SDR42E1: variants seen among roughly 807,000 people sequenced by gnomAD.
SDR42E1 encodes short-chain dehydrogenase/reductase family 42E member 1.
SDR42E1 carries 5 observed loss-of-function variants against 2.6 expected under a neutral mutation model. The ratio of observed to expected loss-of-function variants is 1.94; its 90% CI spans 1.01 to 4.08. The LOEUF (loss-of-function observed/expected upper bound fraction) is 4.08, where lower values mean the gene tolerates loss of function less well. Ranked by LOEUF, SDR42E1 falls within the 30% of genes most tolerant of loss-of-function variation. The pLI, the probability that SDR42E1 is intolerant of heterozygous loss-of-function variation, is 0.00. For synonymous variants in SDR42E1, 231 were observed against 188.3 expected, an observed-to-expected ratio of 1.23 and a Z score of -1.86; for missense variants, 596 against 478.6, an observed-to-expected ratio of 1.25 and a Z score of -2.29.
chr16:82,001,081 G>T (rs1039096675), intron 1 of SDR42E1, among the ~76,000 whole-genome samples, 197 bp from the exon 2 acceptor site: 3 of 152,172 alleles, frequency 2.0e-5, no homozygotes, highest in South Asian at 2.1e-4. Context: ...GTAACATGGG[G>T]ACAGTAATAC....
rs1376649724 is a variant in SDR42E1 at position 81,997,939 on chromosome 16, C to G, written c.*1172G>C. The G allele has an allele frequency of 2.0e-5, 3 of 152,236 alleles. No individual in the cohort carries two copies. The highest frequency in any genetic ancestry group is 4.4e-5 in the Non-Finnish European group (3 of 68,040). The allele number at this position is 152,236 out of a possible 1,614,324, so 9.4% of individuals were successfully genotyped here. On this transcript the variant is annotated 3_prime_UTR_variant, in exon 3 of 3. Coordinates refer to ENST00000328945, the MANE Select transcript of SDR42E1 (RefSeq NM_145168.3). ...TTTACAGATACTCTCAAGACTAACT[C>G]TAGCAGAACTTTCCACAGTAATGTA... is the stretch of plus-strand genomic sequence containing the variant.
Position 82,008,029 on chromosome 16 carries a change from G to A in SDR42E1, c.-27+3358C>T, listed in dbSNP as rs535983332. Among the ~76,000 whole-genome samples, 6 of 152,326 alleles carry A rather than the reference G, an allele frequency of 3.9e-5. No homozygotes were observed. The East Asian group carries it at 1.2e-3, about 29-fold the overall frequency. On this transcript the variant is annotated intron_variant, in intron 1 of 2. Transcript: ENST00000328945. ...ACCCGGTAGGAGGTAATTGAATCAT[G>A]GGGGCGGGTCTTTCCTGTGCTATTC...
chr16:82,010,157 T>A (rs1913079258), intron 1 of SDR42E1, among the ~76,000 whole-genome samples: 1 of 152,240 alleles, frequency 6.6e-6, no homozygotes, highest in Non-Finnish European at 1.5e-5. Flanking sequence ...TGGGTATGTT[T>A]TTATTAGCAG....
rs1767635918 is a variant in SDR42E1, at chr16:81,992,180, A to G, written c.*6931T>C. 1 of 152,340 alleles carries G rather than the reference A, an allele frequency of 6.6e-6. No individual in the cohort carries two copies. The highest frequency in any genetic ancestry group is 1.5e-5 in the Non-Finnish European group (1 of 68,134). The allele number at this position is 152,340 out of a possible 1,614,324, so 9.4% of individuals were successfully genotyped here. ...TCAAAAAAAAGAAAAAAAAATTAGA[A>G]AGCCTTATCCTGAGTAAACTCTCAA... is the stretch of plus-strand genomic sequence containing the variant. On this transcript the variant is annotated 3_prime_UTR_variant, in exon 3 of 3. Coordinates refer to ENST00000328945, the MANE Select transcript of SDR42E1 (RefSeq NM_145168.3).
Position 81,989,243 on chromosome 16 carries a change from G to T in SDR42E1, c.*9868C>A, listed in dbSNP as rs1432260220. On this transcript the variant is annotated 3_prime_UTR_variant, in exon 3 of 3. Transcript: ENST00000328945. ...TAAAGAATATATACTAATATCAATA[G>T]ATCACCATGCTGTACTATTGAGTGA... is the stretch of plus-strand genomic sequence containing the variant. 6.6e-6 allele frequency: 1 copy of T among 152,086 alleles called. No individual in the cohort carries two copies. Among genetic ancestry groups the T allele is most frequent in the East Asian group, 1.9e-4 (1 of 5,192 alleles). The allele number at this position is 152,086 out of a possible 1,614,324, so 9.4% of individuals were successfully genotyped here.
chr16:82,000,816 C>T lies in SDR42E1; in HGVS notation c.43G>A (p.Gly15Arg), dbSNP rs1912731806. ...RSQKESVLITGGSGYFGFRLG... is the reference protein window; with the variant it reads ...RSQKESVLITRGSGYFGFRLG... Reference sequence around the variant, plus strand: ...CGAAAACCAAAATAGCCACTTCCTCCTGTAATGAGGACACTTTCCTTTTGA... The same window carrying T: ...CGAAAACCAAAATAGCCACTTCCTCTTGTAATGAGGACACTTTCCTTTTGA... Residue 15 changes from glycine to arginine, a missense_variant, in exon 2 of 3, where the codon GGA becomes AGA. Coordinates refer to ENST00000328945, the MANE Select transcript of SDR42E1 (RefSeq NM_145168.3). 6.2e-7 allele frequency: 1 copy of T among 1,613,764 alleles called. No individual in the cohort carries two copies. Among genetic ancestry groups the T allele is most frequent in the Non-Finnish European group, 8.5e-7 (1 of 1,179,854 alleles).
intron 1 of SDR42E1, among the ~76,000 whole-genome samples, chr16:82,002,827 G>A (rs1483786337): frequency 2.0e-5 from 3 of 152,162 alleles, no homozygotes; most frequent in Non-Finnish European, 2.9e-5. Context: ...GGGATAATGT[G>A]CAAAAAATGT....
rs1197096551 is a variant in SDR42E1 at position 81,997,724 on chromosome 16, G to A, written c.*1387C>T. The A allele has an allele frequency of 1.3e-5, 2 of 152,160 alleles. No homozygotes were observed. Among genetic ancestry groups the A allele is most frequent in the African/African-American group, 4.8e-5 (2 of 41,432 alleles). The allele number at this position is 152,160 out of a possible 1,614,324, so 9.4% of individuals were successfully genotyped here. A position where few individuals can be genotyped will look rare whatever the true frequency, so the allele number is the denominator to read the frequency against. On this transcript the variant is annotated 3_prime_UTR_variant, in exon 3 of 3. Coordinates refer to ENST00000328945, the MANE Select transcript of SDR42E1 (RefSeq NM_145168.3). ...TGCTCCCAGTGAACCCTATGGGGTG[G>A]GTGGGTTTATACAAAGGGCAAATGC...
chr16:82,007,151 G>A (rs922886927), intron 1 of SDR42E1, among the ~76,000 whole-genome samples: 2 of 152,208 alleles, frequency 1.3e-5, no homozygotes, highest in African/African-American at 4.8e-5. Flanking sequence ...TATCTATAGG[G>A]ACAAGGAATA....
chr16:82,010,170 T>C (rs956650858), intron 1 of SDR42E1, among the ~76,000 whole-genome samples: 1 of 152,212 alleles, frequency 6.6e-6, no homozygotes, highest in African/African-American at 2.4e-5. Context: ...ATTAGCAGCA[T>C]GAGAATGGAT....
Position 81,997,626 on chromosome 16 carries a change from A to G in SDR42E1, c.*1485T>C, listed in dbSNP as rs937904449. The G allele has an allele frequency of 6.6e-6, 1 of 152,254 alleles. No individual in the cohort carries two copies. The highest frequency in any genetic ancestry group is 1.5e-5 in the Non-Finnish European group (1 of 68,064). 9.4% of individuals were successfully genotyped at this position (152,254 alleles called of 1,614,324 possible). On this transcript the variant is annotated 3_prime_UTR_variant, in exon 3 of 3. Transcript: ENST00000328945. Reference sequence around the variant, plus strand: ...AAAGACTCCAAACACGTTTTCCTAAAAACAATCACTACCATCACCTCATAC... The same window carrying G: ...AAAGACTCCAAACACGTTTTCCTAAGAACAATCACTACCATCACCTCATAC...
intron 1 of SDR42E1, among the ~76,000 whole-genome samples, chr16:82,001,949 A>G (rs1912778374): frequency 7.2e-6 from 1 of 138,298 alleles, no homozygotes; most frequent in African/African-American, 3.4e-5. Context: ...CCTCAAAGGC[A>G]CTGGGTGCGT....
In SDR42E1 at chr16:81,999,472, C is replaced by A. The variant is rs1912659049; in HGVS notation, c.821G>T (p.Gly274Val). The change falls in exon 3 of 3, where the codon GGC (glycine) becomes GTC (valine). Residue 274 changes from glycine (G) to valine (V), a missense_variant. Coordinates refer to ENST00000328945, the MANE Select transcript of SDR42E1 (RefSeq NM_145168.3). The stretch of plus-strand genomic sequence containing the variant: ...CAGGCGGGTAGACGGGAATGTGTAG[C>A]CCAGGCCCTCAACCAGAGGCCGGAA... ...EFFRPLVEGL[G>V]YTFPSTRLPL... The A allele has an allele frequency of 4.3e-6, 7 of 1,614,028 alleles. No individual in the cohort carries two copies. The highest frequency in any genetic ancestry group is 5.9e-6 in the Non-Finnish European group (7 of 1,180,052).
intron 1 of SDR42E1, among the ~76,000 whole-genome samples, chr16:82,006,585 G>A (rs975298148): frequency 6.6e-5 from 10 of 152,188 alleles, no homozygotes. Flanking sequence ...TTGAGGTCAG[G>A]AGTTTGAGAC....
rs1392304250 is a variant in SDR42E1 at position 81,994,329 on chromosome 16, A to G, written c.*4782T>C. On this transcript the variant is annotated 3_prime_UTR_variant, in exon 3 of 3. Coordinates refer to ENST00000328945, the MANE Select transcript of SDR42E1 (RefSeq NM_145168.3). ...TTCAGGTAGGAGGACCCTGAAGAGG[A>G]GCTGCACCAAGCGCCTGTCCTCCCC... 2.6e-5 allele frequency: 4 copies of G among 152,216 alleles called. No homozygotes were observed. Among genetic ancestry groups the G allele is most frequent in the Non-Finnish European group, 5.9e-5 (4 of 68,086 alleles). 9.4% of individuals were successfully genotyped at this position (152,216 alleles called of 1,614,324 possible).
chr16:82,005,104 C>A (rs914166921), intron 1 of SDR42E1, among the ~76,000 whole-genome samples: 1 of 152,332 alleles, frequency 6.6e-6, no homozygotes, highest in South Asian at 2.1e-4. Context: ...AACATTCCAA[C>A]GGAAATACCT....
chr16:82,006,780 G>T (rs1912952011), intron 1 of SDR42E1, among the ~76,000 whole-genome samples: 1 of 152,044 alleles, frequency 6.6e-6, no homozygotes, highest in Non-Finnish European at 1.5e-5. Context: ...GGCGACAGAG[G>T]GAGATTCCAT....
rs577367554 is a variant in SDR42E1, at chr16:81,998,233, T to C, written c.*878A>G. On this transcript the variant is annotated 3_prime_UTR_variant, in exon 3 of 3. Transcript: ENST00000328945. ...TAAACTAAAAATGGCATCAGCTTGA[T>C]TGACTCCCTTAATCATCAGATTTTT... The C allele has an allele frequency of 6.6e-5, 10 of 152,234 alleles. No individual in the cohort carries two copies. Among genetic ancestry groups the C allele is most frequent in the African/African-American group, 1.2e-4 (5 of 41,464 alleles). 9.4% of individuals were successfully genotyped at this position (152,234 alleles called of 1,614,324 possible). A position where few individuals can be genotyped will look rare whatever the true frequency, so the allele number is the denominator to read the frequency against.
rs9939682 is a variant in SDR42E1, at chr16:81,990,991, A to G, written c.*8120T>C. 8,445 of 152,270 alleles carry G rather than the reference A, an allele frequency of 0.055. 751 individuals carry two copies. Among genetic ancestry groups the G allele is most frequent in the African/African-American group, 0.19 (7,970 of 41,506 alleles). 9.4% of individuals were successfully genotyped at this position (152,270 alleles called of 1,614,324 possible). ...TGCTCCACGCCCAGAATAGTGTAAG[A>G]CTGCAGGGGAGGCAAAGAGCCATCA... On this transcript the variant is annotated 3_prime_UTR_variant, in exon 3 of 3. Coordinates refer to ENST00000328945, the MANE Select transcript of SDR42E1 (RefSeq NM_145168.3).
Sources: gnomAD v4.1 joint callset for allele counts (sites outside exome capture counted in the v4.1 genomes callset) on GRCh38, gnomAD v4.1.1 for gene constraint, MANE v1.5 for transcripts, NCBI Gene and HGNC (gene_info 2026-07-23, HGNC 2026-07-21) for gene names.